The following MRPL1 variants were observed in gnomAD, a reference collection of about 807,000 sequenced individuals.
MRPL1 encodes mitochondrial ribosomal protein L1, also known as large ribosomal subunit protein uL1m.
MRPL1 carries 28 observed loss-of-function variants against 38.0 expected under a neutral mutation model. The observed-to-expected ratio is 0.74, with a 90% CI of 0.55 to 1.01. The LOEUF (loss-of-function observed/expected upper bound fraction) is 1.01. MRPL1 is among the 50% of genes least tolerant of loss of function. MRPL1 has a pLI of 0.00. For missense variants in MRPL1, 358 were observed against 389.8 expected (o/e 0.92, Z 0.69); for synonymous variants, 123 against 126.7 (o/e 0.97, Z 0.20).
At chr4:77,948,829 G>A (rs903986168) in intron 7 of MRPL1, among the ~76,000 whole-genome samples, 3 of 149,148 alleles carry the variant, frequency 2.0e-5, no homozygotes, top group African/African-American at 7.4e-5. Flanking sequence ...GGAGTGCAGT[G>A]GCACAATCTC....
chr4:77,923,798 G>A (rs1034486187), intron 7 of MRPL1, among the ~76,000 whole-genome samples: 4 of 151,992 alleles, frequency 2.6e-5, no homozygotes, highest in Non-Finnish European at 2.9e-5. Flanking sequence ...TTAGCCAGAC[G>A]TGGTGGTATG....
intron 6 of MRPL1, chr4:77,907,163 C>T (rs1293882669): frequency 1.0e-6 from 1 of 983,612 alleles, no homozygotes; most frequent in Non-Finnish European, 1.2e-6. Context: ...CTATTTCTTA[C>T]CCTTTAAATA....
intron 5 of MRPL1, among the ~76,000 whole-genome samples, chr4:77,888,334 A>G (rs1168721001): frequency 1.3e-5 from 2 of 152,064 alleles, no homozygotes; most frequent in East Asian, 3.9e-4. Context: ...GTGAATCCCC[A>G]CCTCTACTAA....
At chr4:77,904,103 T>C (rs538397263) in intron 6 of MRPL1, among the ~76,000 whole-genome samples, 1 of 150,114 alleles carries the variant, frequency 6.7e-6, no homozygotes, top group South Asian at 2.1e-4. Context: ...AAAAATCTAC[T>C]GGGTGTGGTG....
chr4:77,924,041 A>G (rs188039795), intron 7 of MRPL1, among the ~76,000 whole-genome samples: 102 of 152,016 alleles, frequency 6.7e-4, no homozygotes, highest in African/African-American at 2.4e-3. Context: ...TACTTATTAT[A>G]TGCAATGCAG....
Position 77,952,692 on chromosome 4 carries a change from C to A in MRPL1, c.*85C>A. ...ACAGCATAATTTTTACATTTGATGT[C>A]TTGTTATTGATCATACTTGAAAGTG... On this transcript the variant is annotated 3_prime_UTR_variant, in exon 9 of 9. Transcript: ENST00000315567. The A allele has an allele frequency of 1.3e-6, 1 of 799,220 alleles. No individual in the cohort carries two copies. Among genetic ancestry groups the A allele is most frequent in the Non-Finnish European group, 2.0e-6 (1 of 491,616 alleles). 49.5% of individuals were successfully genotyped at this position (799,220 alleles called of 1,614,324 possible).
chr4:77,877,589 A>ATTT lies in MRPL1; in HGVS notation c.144-5635_144-5633dup, dbSNP rs58774105. On this transcript the variant is annotated intron_variant, in intron 2 of 8. Transcript: ENST00000315567. ...TTCCTGGTGATGGGTGTTGGGAGGG[A>ATTT]TTTTTTTTTTTTTTTTTTTTAAATA... is the stretch of plus-strand genomic sequence containing the variant. 1.2e-3 allele frequency among the ~76,000 whole-genome samples: 138 copies of ATTT among 113,436 alleles called. 2 individuals carry two copies. Among genetic ancestry groups the ATTT allele is most frequent in the Middle Eastern group, 5.2e-3 (1 of 194 alleles). 74.4% of individuals were successfully genotyped at this position (113,436 alleles called of 152,430 possible).
intron 7 of MRPL1, among the ~76,000 whole-genome samples, chr4:77,946,834 CCT>C (rs1737281635): frequency 6.6e-6 from 1 of 152,124 alleles, no homozygotes; most frequent in East Asian, 1.9e-4. Flanking sequence ...TCTTTTATCC[CCT>C]TTCTTTTAAA....
At chr4:77,889,030 T>C (rs1024138861) in intron 5 of MRPL1, among the ~76,000 whole-genome samples, 5 of 152,060 alleles carry the variant, frequency 3.3e-5, no homozygotes, top group African/African-American at 4.8e-5. Context: ...ACAATAATAA[T>C]GAGAGACTTT....
At chr4:77,943,409 A>G (rs532402668) in intron 7 of MRPL1, among the ~76,000 whole-genome samples, 1 of 152,108 alleles carries the variant, frequency 6.6e-6, no homozygotes, top group East Asian at 1.9e-4. Flanking sequence ...GCTGCTATGT[A>G]TTTAGATCTC....
At chr4:77,894,335 T>C in intron 6 of MRPL1, 85 bp downstream of exon 6, 1 of 809,140 alleles carries the variant, frequency 1.2e-6, no homozygotes, top group South Asian at 1.6e-5. Context: ...TGTTCATGTA[T>C]GCGTAGAATA....
intron 7 of MRPL1, among the ~76,000 whole-genome samples, chr4:77,926,164 T>C (rs1467207540): frequency 1.3e-5 from 2 of 152,186 alleles, no homozygotes; most frequent in African/African-American, 4.8e-5. Context: ...AAAAAGGGAA[T>C]TTTTTTATCC....
At chr4:77,898,924 A>G (rs1578047206) in intron 6 of MRPL1, among the ~76,000 whole-genome samples, 1 of 151,928 alleles carries the variant, frequency 6.6e-6, no homozygotes, top group East Asian at 1.9e-4. Flanking sequence ...GCGGTCATAG[A>G]ACTAACAGTT....
intron 7 of MRPL1, among the ~76,000 whole-genome samples, chr4:77,946,096 TATCTC>T (rs991002211): frequency 2.6e-5 from 4 of 152,074 alleles, no homozygotes; most frequent in African/African-American, 9.7e-5. Context: ...TTTCAGTCCT[TATCTC>T]AACCGCGTAA....
chr4:77,872,110 A>G (rs1333436539), intron 2 of MRPL1, among the ~76,000 whole-genome samples: 2 of 152,178 alleles, frequency 1.3e-5, no homozygotes, highest in East Asian at 1.9e-4. Flanking sequence ...CACAATTTAC[A>G]GAGAAGAAAA....
chr4:77,916,971 G>T (rs113415308), intron 7 of MRPL1, among the ~76,000 whole-genome samples: 290 of 152,144 alleles, frequency 1.9e-3, no homozygotes, highest in Admixed American at 5.6e-3. Context: ...ACTAGCATTG[G>T]GTATTATCAC....
chr4:77,894,362 A>G (rs995193118), intron 6 of MRPL1, 112 bp downstream of exon 6: 2 of 639,848 alleles, frequency 3.1e-6, no homozygotes, highest in African/African-American at 3.8e-5. Context: ...ATGTCCTGGT[A>G]TTTGAGTTTG....
At chr4:77,872,855 T>A (rs1387908681) in intron 2 of MRPL1, among the ~76,000 whole-genome samples, 2 of 151,882 alleles carry the variant, frequency 1.3e-5, no homozygotes, top group Non-Finnish European at 2.9e-5. Context: ...AGAGTGAGAC[T>A]CCATCTCAAA....
intron 7 of MRPL1, among the ~76,000 whole-genome samples, chr4:77,926,238 T>C (rs1445898585): frequency 3.3e-5 from 5 of 152,128 alleles, no homozygotes; most frequent in African/African-American, 1.2e-4. Context: ...GATTAAAATA[T>C]AGGGTCTCTA....
Sources: gnomAD v4.1 joint callset for allele counts (sites outside exome capture counted in the v4.1 genomes callset) on GRCh38, gnomAD v4.1.1 for gene constraint, MANE v1.5 for transcripts, NCBI Gene and HGNC (gene_info 2026-07-23, HGNC 2026-07-21) for gene names.